SPG11: variants seen among roughly 807,000 people sequenced by gnomAD.
SPG11 encodes the protein SPG11 vesicle trafficking associated, spatacsin, also known as spatacsin.
A neutral mutation model predicts 274.0 loss-of-function variants in SPG11; 222 were observed. The ratio of observed to expected loss-of-function variants is 0.81; its 90% CI spans 0.73 to 0.91. SPG11 has a LOEUF of 0.91. Among genes scored for constraint, SPG11 ranks in the 40% least tolerant of loss-of-function variants. The pLI is 0.00. For missense variants in SPG11, 3,114 were observed against 2,872.7 expected (o/e 1.08, Z -1.92); for synonymous variants, 1,144 against 1,039.7 (o/e 1.10, Z -1.93).
At chr15:44,627,737 C>G (rs1303232291) in intron 10 of SPG11, among the ~76,000 whole-genome samples, 1 of 151,980 alleles carries the variant, frequency 6.6e-6, no homozygotes, top group Non-Finnish European at 1.5e-5. Flanking sequence ...TTACAGGCGC[C>G]TGCCACCACA....
intron 26 of SPG11, 44 bp downstream of exon 26, chr15:44,595,215 G>T: frequency 1.3e-6 from 2 of 1,576,234 alleles, no homozygotes; most frequent in East Asian, 4.5e-5. Flanking sequence ...ATATGCTGAA[G>T]TAATCTCTTA....
intron 7 of SPG11, among the ~76,000 whole-genome samples, chr15:44,637,504 G>T (rs1426201863): frequency 6.6e-6 from 1 of 152,152 alleles, no homozygotes; most frequent in Non-Finnish European, 1.5e-5. Flanking sequence ...TAGTAGAGAT[G>T]GGGTTTGGCA....
rs141284090 is a variant in SPG11 at position 44,596,599 on chromosome 15, C to T, written c.4161+185G>A. Among the ~76,000 whole-genome samples the T allele has an allele frequency of 6.0e-3, 727 of 122,018 alleles. 10 individuals are homozygous for T. Among genetic ancestry groups the T allele is most frequent in the African/African-American group, 0.022 (693 of 32,210 alleles). 80.0% of individuals were successfully genotyped at this position (122,018 alleles called of 152,430 possible). A position where few individuals can be genotyped will look rare whatever the true frequency, so the allele number is the denominator to read the frequency against. On this transcript the variant is annotated intron_variant, in intron 24 of 39. Coordinates refer to ENST00000261866, the MANE Select transcript of SPG11 (RefSeq NM_025137.4). ...TTGTCTGATGCCAACCCACTGAAAT[C>T]TTAGGAAAAATAATAGTATCATATG...
rs926864290 is a variant in SPG11 at position 44,562,999 on chromosome 15, G to A, written c.*122C>T. The A allele has an allele frequency of 1.1e-6, 1 of 940,396 alleles. No individual in the cohort carries two copies. Among genetic ancestry groups the A allele is most frequent in the Non-Finnish European group, 1.7e-6 (1 of 602,300 alleles). The allele number at this position is 940,396 out of a possible 1,614,324, so 58.3% of individuals were successfully genotyped here. A position where few individuals can be genotyped will look rare whatever the true frequency, so the allele number is the denominator to read the frequency against. ...TACTTGCTACCTACTACCCACAAAG[G>A]ACTGATATGGTACAGTACCGGGATT... On this transcript the variant is annotated 3_prime_UTR_variant, in exon 40 of 40. Transcript: ENST00000261866.
chr15:44,642,399 GAAAGA>G (rs947316857), intron 7 of SPG11, among the ~76,000 whole-genome samples: 3 of 141,136 alleles, frequency 2.1e-5, no homozygotes, highest in African/African-American at 5.2e-5. Flanking sequence ...AGAAAGAAAG[GAAAGA>G]AAAGAAAAAA....
chr15:44,626,375 T>C lies in SPG11; in HGVS notation c.2200A>G (p.Lys734Glu), dbSNP rs1381618021. The C allele has an allele frequency of 1.9e-6, 3 of 1,613,586 alleles. No homozygotes were observed. The highest frequency in any genetic ancestry group is 2.5e-6 in the Non-Finnish European group (3 of 1,179,868). The change falls in exon 11 of 40, where the codon AAA (lysine) becomes GAA (glutamate). Residue 734 changes from lysine to glutamate, a missense_variant. Coordinates refer to ENST00000261866, the MANE Select transcript of SPG11 (RefSeq NM_025137.4). Reference protein sequence around the residue: ...IGLNLVFDNLKKNNIKEASEL... With the variant: ...IGLNLVFDNLEKNNIKEASEL... Reference sequence around the variant, plus strand: ...GAGGCTTCCTTTATATTGTTCTTTTTTAAATTGTCAAAGACCAAATTTAGG... The same window carrying C: ...GAGGCTTCCTTTATATTGTTCTTTTCTAAATTGTCAAAGACCAAATTTAGG...
chr15:44,593,437 G>A (rs1458611911), intron 26 of SPG11, among the ~76,000 whole-genome samples: 2 of 152,124 alleles, frequency 1.3e-5, no homozygotes, highest in African/African-American at 2.4e-5. Context: ...TGATCCATCC[G>A]CCTAGGCTTC....
At chr15:44,588,006 C>T (rs1409017297) in intron 28 of SPG11, among the ~76,000 whole-genome samples, 1 of 152,102 alleles carries the variant, frequency 6.6e-6, no homozygotes, top group Admixed American at 6.6e-5. Flanking sequence ...TTTGGAAACA[C>T]CTCTTTTTCC....
At chr15:44,656,701 T>A (rs573714701) in intron 4 of SPG11, among the ~76,000 whole-genome samples, 33 of 152,118 alleles carry the variant, frequency 2.2e-4, no homozygotes, top group Non-Finnish European at 4.3e-4. Context: ...GAAAAAGTCA[T>A]TGACAATGAA....
At chr15:44,564,485 C>A (rs2082269184) in intron 39 of SPG11, 62 bp downstream of exon 39, 2 of 1,566,846 alleles carry the variant, frequency 1.3e-6, no homozygotes, top group African/African-American at 1.3e-5. Context: ...AAAATTCTTA[C>A]ACTTGTCTCA....
At chr15:44,566,529 A>G (rs965290809) in intron 36 of SPG11, among the ~76,000 whole-genome samples, 1 of 152,172 alleles carries the variant, frequency 6.6e-6, no homozygotes, top group Non-Finnish European at 1.5e-5. Context: ...CATTTCTCCA[A>G]AACATCAAGG....
rs2083310651 is a variant in SPG11, at chr15:44,606,065, T to C, written c.3480A>G (p.Arg1160=). The stretch of plus-strand genomic sequence containing the variant: ...TGTTAGCAGACTGCCAGCCAAACAA[T>C]CTGCTAGGATCAAAGGGTGATAATG... ...IQSLSPFDPS[R]LFGWQSANTL... The change falls in exon 20 of 40, where the codon AGA becomes AGG. Residue 1160 remains arginine, a synonymous_variant. Transcript: ENST00000261866. 6.2e-7 allele frequency: 1 copy of C among 1,613,472 alleles called. No individual in the cohort carries two copies. Among genetic ancestry groups the C allele is most frequent in the African/African-American group, 1.3e-5 (1 of 74,866 alleles).
chr15:44,638,295 C>T (rs886427391), intron 7 of SPG11, among the ~76,000 whole-genome samples: 1 of 152,006 alleles, frequency 6.6e-6, no homozygotes, highest in Admixed American at 6.6e-5. Context: ...AATGCCTCTA[C>T]TAAAAATACA....
chr15:44,579,352 C>T (rs1167270596), intron 30 of SPG11, among the ~76,000 whole-genome samples: 1 of 151,506 alleles, frequency 6.6e-6, no homozygotes, highest in African/African-American at 2.4e-5. Flanking sequence ...TGGCAAAACC[C>T]CATCTCTACT....
Position 44,633,635 on chromosome 15 carries a change from G to A in SPG11, c.1605C>T (p.Ala535=), listed in dbSNP as rs117683234. The A allele has an allele frequency of 5.3e-4, 857 of 1,612,900 alleles. 1 individual carries two copies. The highest frequency in any genetic ancestry group is 6.3e-4 in the Non-Finnish European group (745 of 1,179,610). Residue 535 remains alanine (A), a splice_region_variant and synonymous_variant, in exon 8 of 40, where the codon GCC becomes GCT. Coordinates refer to ENST00000261866, the MANE Select transcript of SPG11 (RefSeq NM_025137.4). Reference sequence around the variant, plus strand: ...TGTCCAGCTGACGATTTTCTATCCCGGCCTGAAATGAGGAGGAAAATAAAA... The same window carrying A: ...TGTCCAGCTGACGATTTTCTATCCCAGCCTGAAATGAGGAGGAAAATAAAA... ...RCSIPIHALE[A]GIENRQLDTV...
chr15:44,595,718 G>A (rs1181573964), intron 25 of SPG11, among the ~76,000 whole-genome samples: 1 of 152,188 alleles, frequency 6.6e-6, no homozygotes, highest in African/African-American at 2.4e-5. Flanking sequence ...CTAATCATAA[G>A]AGAGTAGGAT....
chr15:44,629,964 A>G (rs1253418807), intron 8 of SPG11, among the ~76,000 whole-genome samples: 1 of 152,154 alleles, frequency 6.6e-6, no homozygotes, highest in Non-Finnish European at 1.5e-5. Context: ...CCAGCTACTC[A>G]GGAGGCTGAG....
Position 44,595,558 on chromosome 15 carries a change from CTTAA to C in SPG11, c.4435-103_4435-100del, listed in dbSNP as rs895586775. On this transcript the variant is annotated intron_variant, in intron 25 of 39. Coordinates refer to ENST00000261866, the MANE Select transcript of SPG11 (RefSeq NM_025137.4). ...TTCCTGTTTAGAATAAGTCACCCAA[CTTAA>C]TTAGTTAAAATGGCTTGAAAAGCCT... The C allele has an allele frequency of 1.2e-5, 16 of 1,297,980 alleles. No homozygotes were observed. In the African/African-American group the frequency reaches 1.3e-4, roughly 11 times the overall value. 80.4% of individuals were successfully genotyped at this position (1,297,980 alleles called of 1,614,324 possible). A position where few individuals can be genotyped will look rare whatever the true frequency, so the allele number is the denominator to read the frequency against.
rs1160289533 is a variant in SPG11, at chr15:44,563,107, A to G, written c.*14T>C. On this transcript the variant is annotated 3_prime_UTR_variant, in exon 40 of 40. Coordinates refer to ENST00000261866, the MANE Select transcript of SPG11 (RefSeq NM_025137.4). Reference sequence around the variant, plus strand: ...CTGCTAACAGTACAAGAAAACAGACACCTATGAAATCATCTAACCTGCTAG... The same window carrying G: ...CTGCTAACAGTACAAGAAAACAGACGCCTATGAAATCATCTAACCTGCTAG... 1 of 1,613,208 alleles carries G rather than the reference A, an allele frequency of 6.2e-7. No homozygotes were observed. The highest frequency in any genetic ancestry group is 8.5e-7 in the Non-Finnish European group (1 of 1,179,432).
Sources: allele counts gnomAD v4.1 joint callset (sites outside exome capture counted in the v4.1 genomes callset), GRCh38; gene constraint gnomAD v4.1.1; transcripts MANE v1.5; gene names NCBI Gene and HGNC (gene_info 2026-07-23, HGNC 2026-07-21).